The following ASCC3 variants were observed in gnomAD, a reference collection of about 807,000 sequenced individuals.
ASCC3 encodes the protein ASC-1 complex subunit P200.
Under a neutral mutation model 256.3 loss-of-function variants are expected in ASCC3, and 158 were observed. That is an observed-to-expected ratio of 0.62 (90% CI 0.54 to 0.70). The LOEUF is 0.70. ASCC3 is among the 30% of genes least tolerant of loss of function. The pLI is 0.00. For missense variants in ASCC3, 2,259 were observed against 2,626.0 expected, an observed-to-expected ratio of 0.86 and a Z score of 3.05; for synonymous variants, 948 against 883.4, an observed-to-expected ratio of 1.07 and a Z score of -1.30.
chr6:100,671,912 T>TAGAC (rs540090058), intron 14 of ASCC3, among the ~76,000 whole-genome samples: 3 of 152,208 alleles, frequency 2.0e-5, no homozygotes, highest in African/African-American at 7.2e-5. Context: ...TTGCCTAGAT[T>TAGAC]AGACTCATGC....
chr6:100,720,980 A>G (rs1464299948), intron 11 of ASCC3, among the ~76,000 whole-genome samples: 1 of 149,174 alleles, frequency 6.7e-6, no homozygotes, highest in African/African-American at 2.4e-5. Flanking sequence ...TTATATTTTA[A>G]ATAAAAAATT....
chr6:100,635,630 T>C (rs540991282), intron 25 of ASCC3, among the ~76,000 whole-genome samples: 3 of 152,162 alleles, frequency 2.0e-5, no homozygotes, highest in Non-Finnish European at 4.4e-5. Context: ...GATAGGTATG[T>C]TAATTAGCTT....
chr6:100,588,531 C>G (rs1205870361), intron 36 of ASCC3, among the ~76,000 whole-genome samples: 1 of 152,046 alleles, frequency 6.6e-6, no homozygotes, highest in Non-Finnish European at 1.5e-5. Context: ...TAAATTTTTA[C>G]TTTCTTAAAA....
chr6:100,676,768 A>ACACACACACT (rs1554212592), intron 14 of ASCC3, among the ~76,000 whole-genome samples: 3 of 37,528 alleles, frequency 8.0e-5, no homozygotes, highest in African/African-American at 1.9e-4. Flanking sequence ...ACACTCACAC[A>ACACACACACT]CACACACACA....
intron 3 of ASCC3, among the ~76,000 whole-genome samples, chr6:100,852,990 T>C (rs1229543268): frequency 2.1e-5 from 3 of 143,854 alleles, no homozygotes; most frequent in Non-Finnish European, 4.6e-5. Context: ...TTCCCAGAAT[T>C]AAAAAAAAAA....
intron 10 of ASCC3, among the ~76,000 whole-genome samples, chr6:100,744,279 AAGG>A (rs1316616771): frequency 1.3e-5 from 2 of 152,092 alleles, no homozygotes; most frequent in Non-Finnish European, 2.9e-5. Flanking sequence ...GAGCACTGGG[AAGG>A]AGAATGGAGG....
At chr6:100,582,822 T>C (rs1771380511) in intron 36 of ASCC3, among the ~76,000 whole-genome samples, 2 of 152,236 alleles carry the variant, frequency 1.3e-5, no homozygotes, top group South Asian at 2.1e-4. Context: ...GTCAAAGGCC[T>C]TTCCTCCATC....
chr6:100,605,444 T>C lies in ASCC3; in HGVS notation c.5177+124A>G, dbSNP rs1357987301. ...TGTCATAAAGTGATAATTATATTGT[T>C]TCACATTATATTAAATTCTTCTAAG... On this transcript the variant is annotated intron_variant, in intron 33 of 41. Transcript: ENST00000369162. 3.2e-5 allele frequency: 23 copies of C among 710,742 alleles called. No homozygotes were observed. The East Asian group carries it at 6.1e-4, about 19-fold the overall frequency. 44.0% of individuals were successfully genotyped at this position (710,742 alleles called of 1,614,324 possible).
intron 5 of ASCC3, among the ~76,000 whole-genome samples, chr6:100,804,099 G>A (rs568639612): frequency 8.4e-4 from 128 of 152,214 alleles, no homozygotes; most frequent in African/African-American, 2.8e-3. Context: ...TAAAATATGT[G>A]TAATACATGA....
chr6:100,690,428 G>A (rs893495410), intron 13 of ASCC3, among the ~76,000 whole-genome samples: 3 of 151,484 alleles, frequency 2.0e-5, no homozygotes, highest in South Asian at 2.1e-4. Context: ...TTTGGATAAA[G>A]GTAAAAAAAT....
At position 100,562,666 on chromosome 6, in the gene ASCC3, G is replaced by GT. The variant is rs200289380; in HGVS notation, c.5551-22280dup. On this transcript the variant is annotated intron_variant, in intron 36 of 41. Coordinates refer to ENST00000369162, the MANE Select transcript of ASCC3 (RefSeq NM_006828.4). Reference sequence around the variant, plus strand: ...CTGGTCTTTACGGAAAAGTTTTCTAGTTTTTTTTTCTATTATAAATAATGC... The same window carrying GT: ...CTGGTCTTTACGGAAAAGTTTTCTAGTTTTTTTTTTCTATTATAAATAATGC... Among the ~76,000 whole-genome samples the GT allele has an allele frequency of 8.6e-3, 1,303 of 151,236 alleles. 15 individuals are homozygous for GT. The highest frequency in any genetic ancestry group is 0.011 in the Non-Finnish European group (738 of 67,674).
intron 39 of ASCC3, among the ~76,000 whole-genome samples, chr6:100,514,780 C>T (rs950006219): frequency 5.3e-5 from 8 of 152,148 alleles, no homozygotes; most frequent in Non-Finnish European, 8.8e-5. Flanking sequence ...AATCCTCTGC[C>T]AGTCAGCAGC....
At chr6:100,856,387 A>G in intron 3 of ASCC3, 1 of 984,100 alleles carries the variant, frequency 1.0e-6, no homozygotes, top group Non-Finnish European at 1.2e-6. Context: ...TCACCATGAT[A>G]GCCAAACCTT....
At chr6:100,545,590 A>T (rs1446437843) in intron 36 of ASCC3, among the ~76,000 whole-genome samples, 2 of 151,504 alleles carry the variant, frequency 1.3e-5, no homozygotes, top group East Asian at 4.0e-4. Flanking sequence ...ACTACTAATT[A>T]TTCTCTTTTT....
intron 40 of ASCC3, 131 bp downstream of exon 40, chr6:100,512,578 G>A (rs1432241696): frequency 5.3e-6 from 5 of 952,262 alleles, no homozygotes; most frequent in South Asian, 2.7e-5. Flanking sequence ...ACTAACTCTC[G>A]CTGCTTAAGA....
At chr6:100,789,316 G>A (rs1769237567) in intron 8 of ASCC3, among the ~76,000 whole-genome samples, 1 of 151,912 alleles carries the variant, frequency 6.6e-6, no homozygotes, top group Non-Finnish European at 1.5e-5. Flanking sequence ...GTAGGGGAAG[G>A]AGTTAGTCAC....
rs1375209204 is a variant in ASCC3 at position 100,580,524 on chromosome 6, G to T, written c.5550+9110C>A. Among the ~76,000 whole-genome samples the T allele has an allele frequency of 2.0e-5, 3 of 150,974 alleles. No homozygotes were observed. The East Asian group carries it at 5.8e-4, about 29-fold the overall frequency. On this transcript the variant is annotated intron_variant, in intron 36 of 41. Transcript: ENST00000369162. ...GATTACCTTCTAGCTTATTGTTTTT[G>T]TGCCTACAATCATCACAATGCAACA...
At chr6:100,634,967 G>A (rs1482089498) in intron 25 of ASCC3, among the ~76,000 whole-genome samples, 1 of 151,872 alleles carries the variant, frequency 6.6e-6, no homozygotes, top group African/African-American at 2.4e-5. Context: ...TGGTGGTAAT[G>A]TAAACTGTAC....
At chr6:100,863,349 G>A (rs1012349993) in intron 3 of ASCC3, among the ~76,000 whole-genome samples, 1 of 152,138 alleles carries the variant, frequency 6.6e-6, no homozygotes, top group African/African-American at 2.4e-5. Context: ...GGGAAGTGAA[G>A]CAGTCAAAGT....
Sources: allele counts gnomAD v4.1 joint callset (sites outside exome capture counted in the v4.1 genomes callset), GRCh38; gene constraint gnomAD v4.1.1; transcripts MANE v1.5; gene names NCBI Gene and HGNC (gene_info 2026-07-23, HGNC 2026-07-21).